The following PPARA variants were observed in gnomAD, a reference collection of about 807,000 sequenced individuals.
PPARA encodes the protein peroxisome proliferator activated receptor alpha.
PPARA carries 22 observed loss-of-function variants against 42.2 expected under a neutral mutation model. The ratio of observed to expected loss-of-function variants is 0.52; its 90% CI spans 0.37 to 0.74. The LOEUF (loss-of-function observed/expected upper bound fraction) is 0.74, where lower values mean the gene tolerates loss of function less well. Ranked by LOEUF, PPARA falls within the 30% of genes least tolerant of loss-of-function variation. The pLI is 0.00. For missense variants in PPARA, 465 were observed against 608.2 expected (o/e 0.76, Z 2.48); for synonymous variants, 242 against 239.3 (o/e 1.01, Z -0.10).
rs527374199 is a variant in PPARA, at chr22:46,187,233, G to A, written c.-43+10397G>A. On this transcript the variant is annotated intron_variant, in intron 3 of 8. Coordinates refer to ENST00000407236, the MANE Select transcript of PPARA (RefSeq NM_005036.6). This position sits in a 1 kb window ranked among gnomAD's most constrained non-coding sequence, Gnocchi z 4.9. ...CTGGCTTACAGAGGTCAAGCCTCAG[G>A]TACCTTAAACACCATTTTAAAACTG... Among the ~76,000 whole-genome samples, 4 of 152,296 alleles carry A rather than the reference G, an allele frequency of 2.6e-5. No homozygotes were observed. The highest frequency in any genetic ancestry group is 6.5e-5 in the Admixed American group (1 of 15,298).
At chr22:46,170,212 G>T (rs376379877) in intron 2 of PPARA, among the ~76,000 whole-genome samples, 1 of 150,906 alleles carries the variant, frequency 6.6e-6, no homozygotes, top group Non-Finnish European at 1.5e-5. Context: ...TACTTAAAAT[G>T]ATGTAAGTGT....
intron 2 of PPARA, among the ~76,000 whole-genome samples, chr22:46,157,445 T>C (rs1414781112): frequency 6.6e-6 from 1 of 152,058 alleles, no homozygotes; most frequent in Non-Finnish European, 1.5e-5. Flanking sequence ...AGAGCTCTTC[T>C]TCCTTCTGTA....
rs1936337716 is a variant in PPARA at position 46,240,273 on chromosome 22, T to C, written c.*4893T>C. The C allele has an allele frequency of 5.0e-6, 2 of 398,632 alleles. No individual in the cohort carries two copies. Among genetic ancestry groups the C allele is most frequent in the East Asian group, 3.6e-5 (1 of 28,080 alleles). The allele number at this position is 398,632 out of a possible 1,614,324, so 24.7% of individuals were successfully genotyped here. On this transcript the variant is annotated 3_prime_UTR_variant, in exon 9 of 9. Transcript: ENST00000407236. This position sits in a 1 kb window ranked among gnomAD's most constrained non-coding sequence, Gnocchi z 6.0. ...GGGGTAACAGCAAATCAGCCTCCAT[T>C]TTAAAATGAAAACACCAGCCTCCAG...
chr22:46,219,094 G>A lies in PPARA; in HGVS notation c.508+693G>A, dbSNP rs1234618834. On this transcript the variant is annotated intron_variant, in intron 6 of 8. Coordinates refer to ENST00000407236, the MANE Select transcript of PPARA (RefSeq NM_005036.6). This position sits in a 1 kb window ranked among gnomAD's most constrained non-coding sequence, Gnocchi z 4.8. ...GGAGAATAGCTTGAACCCGGGAGGCGGAGGTTGCAGTGAGCTGAGATCGCA... is the reference window on the plus strand; with the variant it reads ...GGAGAATAGCTTGAACCCGGGAGGCAGAGGTTGCAGTGAGCTGAGATCGCA... 3.3e-5 allele frequency among the ~76,000 whole-genome samples: 5 copies of A among 151,736 alleles called. No homozygotes were observed. Among genetic ancestry groups the A allele is most frequent in the African/African-American group, 1.2e-4 (5 of 41,254 alleles).
intron 2 of PPARA, among the ~76,000 whole-genome samples, chr22:46,153,449 G>A (rs1041299665): frequency 2.6e-5 from 4 of 152,106 alleles, no homozygotes; most frequent in Non-Finnish European, 5.9e-5. Context: ...GGTTACAGGT[G>A]CGAGCCACCG....
rs762033526 is a variant in PPARA, at chr22:46,221,778, C to T, written c.711+1764C>T. Among the ~76,000 whole-genome samples, 67 of 151,220 alleles carry T rather than the reference C, an allele frequency of 4.4e-4. 1 individual carries two copies. The highest frequency in any genetic ancestry group is 8.4e-4 in the South Asian group (4 of 4,764). On this transcript the variant is annotated intron_variant, in intron 7 of 8. Coordinates refer to ENST00000407236, the MANE Select transcript of PPARA (RefSeq NM_005036.6). This position sits in a 1 kb window ranked among gnomAD's most constrained non-coding sequence, Gnocchi z 5.9. ...CGTGCCACTGCACTTCCAGCCTGGG[C>T]GACAAAGCCAGCTGTGTCTGGGCGC...
rs1213789670 is a variant in PPARA, at chr22:46,190,676, G to A, written c.-42-7666G>A. ...GAGGTGAGAGGATCACCTGGGCCCG[G>A]GAGATCAAGGCTGCGGTGAGCCATG... On this transcript the variant is annotated intron_variant, in intron 3 of 8. Coordinates refer to ENST00000407236, the MANE Select transcript of PPARA (RefSeq NM_005036.6). This position sits in a 1 kb window ranked among gnomAD's most constrained non-coding sequence, Gnocchi z 5.6. Among the ~76,000 whole-genome samples, 2 of 152,152 alleles carry A rather than the reference G, an allele frequency of 1.3e-5. No individual in the cohort carries two copies. The highest frequency in any genetic ancestry group is 2.9e-5 in the Non-Finnish European group (2 of 68,034).
rs1158439371 is a variant in PPARA at position 46,171,065 on chromosome 22, G to A, written c.-126-5688G>A. On this transcript the variant is annotated intron_variant, in intron 2 of 8. Transcript: ENST00000407236. The surrounding 1 kb of genome is among the most constrained non-coding windows in gnomAD (Gnocchi z 5.0). ...AATCCCAGCTACTTGGGAGGCTGAG[G>A]CAGGAGAATTGCTTGAGCCCAGGAG... is the stretch of plus-strand genomic sequence containing the variant. Among the ~76,000 whole-genome samples, 2 of 152,068 alleles carry A rather than the reference G, an allele frequency of 1.3e-5. No individual in the cohort carries two copies. Among genetic ancestry groups the A allele is most frequent in the Non-Finnish European group, 2.9e-5 (2 of 68,016 alleles).
chr22:46,202,185 C>G (rs994144931), intron 4 of PPARA, among the ~76,000 whole-genome samples: 1 of 152,106 alleles, frequency 6.6e-6, no homozygotes, highest in Non-Finnish European at 1.5e-5. Flanking sequence ...AAACACAGGA[C>G]CCCTTATTCT....
In PPARA at chr22:46,161,102, A is replaced by T. The variant is rs1926099128; in HGVS notation, c.-127+9132A>T. Among the ~76,000 whole-genome samples the T allele has an allele frequency of 6.6e-6, 1 of 152,224 alleles. No individual in the cohort carries two copies. Among genetic ancestry groups the T allele is most frequent in the Non-Finnish European group, 1.5e-5 (1 of 68,036 alleles). ...AGACTTAAAAGAAACAAGAACCCAG[A>T]GGGAAAATATGGCCATGGACTCAGA... On this transcript the variant is annotated intron_variant, in intron 2 of 8. Coordinates refer to ENST00000407236, the MANE Select transcript of PPARA (RefSeq NM_005036.6). This position sits in a 1 kb window ranked among gnomAD's most constrained non-coding sequence, Gnocchi z 4.8.
chr22:46,157,009 T>G (rs538079666), intron 2 of PPARA, among the ~76,000 whole-genome samples: 1 of 152,280 alleles, frequency 6.6e-6, no homozygotes, highest in Admixed American at 6.5e-5. Flanking sequence ...CTCTTCATCT[T>G]GAAGAGGGAT....
In PPARA at chr22:46,161,767, C is replaced by G. The variant is rs1222004980; in HGVS notation, c.-127+9797C>G. On this transcript the variant is annotated intron_variant, in intron 2 of 8. Transcript: ENST00000407236. The surrounding 1 kb of genome is among the most constrained non-coding windows in gnomAD (Gnocchi z 4.8). ...AGGTGAGCAGATGTGGACTTTCCGA[C>G]TGTGTGTGTGCGACTTCCTCAGAGC... Among the ~76,000 whole-genome samples the G allele has an allele frequency of 2.0e-5, 3 of 152,198 alleles. No individual in the cohort carries two copies. The highest frequency in any genetic ancestry group is 2.0e-4 in the Admixed American group (3 of 15,272).
At chr22:46,207,872 G>A (rs934489136) in intron 4 of PPARA, among the ~76,000 whole-genome samples, 29 of 150,476 alleles carry the variant, frequency 1.9e-4, no homozygotes, top group African/African-American at 3.2e-4. Context: ...TTTTGTAGAG[G>A]TGGAGACTCG....
At position 46,228,632 on chromosome 22, in the gene PPARA, C is replaced by T. The variant is rs1266526134; in HGVS notation, c.712-3160C>T. On this transcript the variant is annotated intron_variant, in intron 7 of 8. Coordinates refer to ENST00000407236, the MANE Select transcript of PPARA (RefSeq NM_005036.6). ...GCATTTGTCCTGGGAGATGCTCTAC[C>T]AAAAAACAATAAATAACACCAAGCA... is the stretch of plus-strand genomic sequence containing the variant. Among the ~76,000 whole-genome samples, 3 of 152,212 alleles carry T rather than the reference C, an allele frequency of 2.0e-5. No homozygotes were observed. In the East Asian group the frequency reaches 5.8e-4, roughly 29 times the overall value.
rs185777780 is a variant in PPARA at position 46,192,411 on chromosome 22, C to T, written c.-42-5931C>T. ...GTTAGTTATGAATTACCGTTGGAAT[C>T]CTTCCAGTGTTTGCACCTGCCCTGT... On this transcript the variant is annotated intron_variant, in intron 3 of 8. Transcript: ENST00000407236. This position sits in a 1 kb window ranked among gnomAD's most constrained non-coding sequence, Gnocchi z 4.3. Among the ~76,000 whole-genome samples the T allele has an allele frequency of 4.4e-4, 67 of 152,306 alleles. No individual in the cohort carries two copies. Among genetic ancestry groups the T allele is most frequent in the Non-Finnish European group, 8.1e-4 (55 of 68,022 alleles).
chr22:46,226,158 CAT>C (rs10570542), intron 7 of PPARA, among the ~76,000 whole-genome samples: 48,360 of 151,422 alleles, frequency 0.32, 11,840 homozygotes, highest in African/African-American at 0.69. Flanking sequence ...AGCATGCACA[CAT>C]ATATATATAT....
At chr22:46,174,276 A>AGGAAGG (rs1236515954) in intron 2 of PPARA, among the ~76,000 whole-genome samples, 8 of 150,516 alleles carry the variant, frequency 5.3e-5, no homozygotes, top group East Asian at 3.9e-4. Flanking sequence ...GAAGGAAGGA[A>AGGAAGG]ATTATGATAA....
Position 46,225,560 on chromosome 22 carries a change from C to T in PPARA, c.711+5546C>T, listed in dbSNP as rs541665907. Among the ~76,000 whole-genome samples the T allele has an allele frequency of 6.6e-5, 10 of 152,008 alleles. No homozygotes were observed. The highest frequency in any genetic ancestry group is 2.2e-4 in the African/African-American group (9 of 41,360). ...GCACACACGGGTACACACACATACA[C>T]GTGCACCCACATGCATGCTCACACA... On this transcript the variant is annotated intron_variant, in intron 7 of 8. Transcript: ENST00000407236. The surrounding 1 kb of genome is among the most constrained non-coding windows in gnomAD (Gnocchi z 4.1).
chr22:46,222,550 C>T lies in PPARA; in HGVS notation c.711+2536C>T, dbSNP rs1027245807. Among the ~76,000 whole-genome samples the T allele has an allele frequency of 6.6e-6, 1 of 152,162 alleles. No homozygotes were observed. Among genetic ancestry groups the T allele is most frequent in the African/African-American group, 2.4e-5 (1 of 41,424 alleles). On this transcript the variant is annotated intron_variant, in intron 7 of 8. Transcript: ENST00000407236. This position sits in a 1 kb window ranked among gnomAD's most constrained non-coding sequence, Gnocchi z 5.9. ...AGACATTTTAGAAGTTTCCAGCAGA[C>T]ACCCACACTAGGCAGCTCCAGAGGC...
Sources: allele counts gnomAD v4.1 joint callset (sites outside exome capture counted in the v4.1 genomes callset), GRCh38; gene constraint gnomAD v4.1.1; non-coding constraint Gnocchi (gnomAD v3.1); transcripts MANE v1.5; gene names NCBI Gene and HGNC (gene_info 2026-07-23, HGNC 2026-07-21).